Variants in C7 observed in about 807,000 individuals in gnomAD.
C7 encodes the protein complement component C7.
In C7, 83 loss-of-function variants were observed where a neutral mutation model predicts 104.8. That is an observed-to-expected ratio of 0.79 (90% confidence interval 0.66 to 0.95). The LOEUF is 0.95. Ranked by LOEUF, C7 falls within the 40% of genes least tolerant of loss-of-function variation. The probability of loss-of-function intolerance (pLI) is 0.00; values close to 1 mark genes in which losing one functional copy is unlikely to be tolerated. For synonymous variants in C7, 415 were observed against 360.6 expected (o/e 1.15, Z -1.71); for missense variants, 1,070 against 1,011.2 (o/e 1.06, Z -0.79).
intron 9 of C7, among the ~76,000 whole-genome samples, chr5:40,950,888 G>T (rs1740155574): frequency 6.6e-6 from 1 of 152,182 alleles, no homozygotes; most frequent in Non-Finnish European, 1.5e-5. Flanking sequence ...GTGATTGAAG[G>T]AGGACTGAAA....
At chr5:40,915,649 G>C (rs1281537303) in intron 1 of C7, among the ~76,000 whole-genome samples, 1 of 152,134 alleles carries the variant, frequency 6.6e-6, no homozygotes, top group Non-Finnish European at 1.5e-5. Flanking sequence ...CCACATGTTT[G>C]TTGAAGTCAG....
At position 40,975,206 on chromosome 5, in the gene C7, GT is replaced by G. The variant is rs1740787929; in HGVS notation, c.2075-1542del. Reference sequence around the variant, plus strand: ...TTAACATCTTACATAACACAACTTGGTTAAAACTAAAAAATTAATATTAGTA... The same window carrying G: ...TTAACATCTTACATAACACAACTTGGTAAAACTAAAAAATTAATATTAGTA... On this transcript the variant is annotated intron_variant, in intron 15 of 17. Transcript: ENST00000313164. Among the ~76,000 whole-genome samples the G allele has an allele frequency of 1.3e-5, 2 of 151,552 alleles. 1 individual carries two copies. The highest frequency in any genetic ancestry group is 2.9e-5 in the Non-Finnish European group (2 of 67,990).
In C7 at chr5:40,911,913, AT is replaced by A. The variant is rs745734485; in HGVS notation, c.6+2313del. ...GCCACCATGCCTTGCTAATTTTTGT[AT>A]TTTTTTTTTTTTTTTAGTAAAGATG... On this transcript the variant is annotated intron_variant, in intron 1 of 17. Coordinates refer to ENST00000313164, the MANE Select transcript of C7 (RefSeq NM_000587.4). Among the ~76,000 whole-genome samples the A allele has an allele frequency of 5.0e-3, 635 of 127,458 alleles. 1 individual carries two copies. The highest frequency in any genetic ancestry group is 4.9e-3 in the African/African-American group (169 of 34,696). The allele number at this position is 127,458 out of a possible 152,430, so 83.6% of individuals were successfully genotyped here.
chr5:40,942,768 CTTT>C (rs530693111), intron 6 of C7, among the ~76,000 whole-genome samples: 10 of 138,714 alleles, frequency 7.2e-5, no homozygotes, highest in African/African-American at 8.0e-5. Context: ...TTCTTTCTTT[CTTT>C]TTTTTTTTTT....
At chr5:40,949,825 TC>T (rs2111636874) in intron 8 of C7, 78 bp from the exon 9 acceptor site, 4 of 871,388 alleles carry the variant, frequency 4.6e-6, no homozygotes, top group Non-Finnish European at 7.5e-6. Context: ...GCAAACAACC[TC>T]TTATCCCTAC....
intron 1 of C7, among the ~76,000 whole-genome samples, chr5:40,920,579 C>T (rs527930569): frequency 1.4e-5 from 2 of 147,144 alleles, no homozygotes; most frequent in African/African-American, 5.0e-5. Flanking sequence ...GGCTTCATGG[C>T]TGAATTCTAC....
intron 9 of C7, among the ~76,000 whole-genome samples, 187 bp downstream of exon 9, chr5:40,950,201 CCCACTCT>C (rs1196406626): frequency 6.6e-6 from 1 of 151,832 alleles, no homozygotes; most frequent in Non-Finnish European, 1.5e-5. Flanking sequence ...TCTCCCTCCT[CCCACTCT>C]CCACTCTCCA....
chr5:40,981,558 T>C lies in C7; in HGVS notation c.2517T>C (p.Ala839=), dbSNP rs774282203. 3.1e-6 allele frequency: 5 copies of C among 1,610,060 alleles called. No homozygotes were observed. Among genetic ancestry groups the C allele is most frequent in the Non-Finnish European group, 4.2e-6 (5 of 1,177,026 alleles). Residue 839 remains alanine (A), a synonymous_variant, in exon 18 of 18, where the codon GCT becomes GCC. Coordinates refer to ENST00000313164, the MANE Select transcript of C7 (RefSeq NM_000587.4). ...CTGTCACCAGCATAAGGCCTTGTGC[T>C]GCGGAAACCCAGTAGGCTCCTGGAG... ...SISVTSIRPC[A]AETQ
chr5:40,934,578 T>A, intron 4 of C7, 112 bp downstream of exon 4: 1 of 1,035,452 alleles, frequency 9.7e-7, no homozygotes, highest in Non-Finnish European at 1.4e-6. Context: ...GGCCTAAAGT[T>A]AATTCCCCCA....
In C7 at chr5:40,938,687, A is replaced by G. The variant is rs536760828; in HGVS notation, c.567+997A>G. ...CAACGTTGGTATTGCTTAACTTTTT[A>G]ATTTTGCTTATGATCTCAGATCTCC... On this transcript the variant is annotated intron_variant, in intron 6 of 17. Coordinates refer to ENST00000313164, the MANE Select transcript of C7 (RefSeq NM_000587.4). Among the ~76,000 whole-genome samples the G allele has an allele frequency of 2.0e-5, 3 of 152,180 alleles. No homozygotes were observed. In the South Asian group the frequency reaches 6.2e-4, roughly 32 times the overall value.
chr5:40,980,731 C>T (rs2111734687), intron 17 of C7, among the ~76,000 whole-genome samples: 1 of 152,296 alleles, frequency 6.6e-6, no homozygotes, highest in East Asian at 1.9e-4. Flanking sequence ...GCCCTCCTGG[C>T]CTGTACCCGC....
intron 17 of C7, 33 bp from the exon 18 acceptor site, chr5:40,981,359 G>A (rs1398158770): frequency 1.3e-6 from 2 of 1,588,514 alleles, no homozygotes; most frequent in African/African-American, 1.3e-5. Context: ...CCTCCACAAT[G>A]TACCATTAAG....
intron 10 of C7, among the ~76,000 whole-genome samples, chr5:40,957,751 T>G (rs1406115753): frequency 1.5e-5 from 2 of 131,962 alleles, no homozygotes. Flanking sequence ...TCATCGCGCC[T>G]GGGCTGGTTT....
chr5:40,956,226 C>A (rs1324664038), intron 10 of C7, among the ~76,000 whole-genome samples: 1 of 152,156 alleles, frequency 6.6e-6, no homozygotes, highest in Non-Finnish European at 1.5e-5. Context: ...ATCTATACTA[C>A]AATAAGTGTG....
intron 13 of C7, among the ~76,000 whole-genome samples, chr5:40,962,646 T>G (rs1030865741): frequency 1.3e-5 from 2 of 152,230 alleles, no homozygotes; most frequent in African/African-American, 4.8e-5. Context: ...CTTTGAGCAA[T>G]TGAACCTTCC....
chr5:40,933,470 T>C (rs1035912097), intron 3 of C7, among the ~76,000 whole-genome samples: 1 of 152,228 alleles, frequency 6.6e-6, no homozygotes, highest in African/African-American at 2.4e-5. Context: ...CATGTCTTCA[T>C]AGTGAATGAG....
At chr5:40,951,738 T>C (rs1740175348) in intron 9 of C7, among the ~76,000 whole-genome samples, 1 of 152,174 alleles carries the variant, frequency 6.6e-6, no homozygotes, top group African/African-American at 2.4e-5. Context: ...TTAAATCCTC[T>C]TGGGGTAATG....
chr5:40,929,123 T>C (rs1404781886), intron 2 of C7, among the ~76,000 whole-genome samples: 1 of 152,228 alleles, frequency 6.6e-6, no homozygotes, highest in Non-Finnish European at 1.5e-5. Context: ...GCCAGGTCAG[T>C]TCATTTTATG....
chr5:40,984,297 GTAGGGATGTGGA>G lies in C7; in HGVS notation c.*2725_*2736del, dbSNP rs1250444366. 1.3e-5 allele frequency among the ~76,000 whole-genome samples: 2 copies of G among 152,138 alleles called. No individual in the cohort carries two copies. The highest frequency in any genetic ancestry group is 2.9e-5 in the Non-Finnish European group (2 of 68,030). On this transcript the variant is annotated 3_prime_UTR_variant, in exon 18 of 18. Transcript: ENST00000313164. ...GTTCTTCGTATTCAGGTAGGGTATG[GTAGGGATGTGGA>G]GTGCCAAGCAGGAAATCTGACAAGT...
Sources: gnomAD v4.1 joint callset for allele counts (sites outside exome capture counted in the v4.1 genomes callset) on GRCh38, gnomAD v4.1.1 for gene constraint, MANE v1.5 for transcripts, NCBI Gene and HGNC (gene_info 2026-07-23, HGNC 2026-07-21) for gene names.